IL18: variants seen among roughly 807,000 people sequenced by gnomAD.
The protein encoded by IL18 is interleukin 18.
IL18 carries 8 observed loss-of-function variants against 14.2 expected under a neutral mutation model. The observed-to-expected ratio is 0.56, with a 90% CI of 0.33 to 1.01. The LOEUF is 1.01. Ranked by LOEUF, IL18 falls within the 50% of genes least tolerant of loss-of-function variation. The probability of loss-of-function intolerance (pLI) is 0.03; values close to 1 mark genes in which losing one functional copy is unlikely to be tolerated. For missense variants in IL18, 166 were observed against 231.1 expected (o/e 0.72, Z 1.83); for synonymous variants, 67 against 71.0 (o/e 0.94, Z 0.28).
intron 5 of IL18, 60 bp from the exon 6 acceptor site, chr11:112,143,877 GTTTGT>G: frequency 8.8e-7 from 1 of 1,133,752 alleles, no homozygotes; most frequent in South Asian, 1.5e-5. Flanking sequence ...AATATATGAA[GTTTGT>G]TTTGAAGTAT....
intron 3 of IL18, 70 bp downstream of exon 3, chr11:112,153,521 CA>C: frequency 9.5e-7 from 1 of 1,052,704 alleles, no homozygotes; most frequent in Non-Finnish European, 1.3e-6. Context: ...CCTCAGCTGA[CA>C]ATGGTGAGAT....
chr11:112,150,282 T>G, intron 3 of IL18, 76 bp from the exon 4 acceptor site: 1 of 1,035,598 alleles, frequency 9.7e-7, no homozygotes, highest in Non-Finnish European at 1.4e-6. Flanking sequence ...CTATATATTT[T>G]AGTTTTCTAA....
intron 2 of IL18, 110 bp from the exon 3 acceptor site, chr11:112,153,713 AT>A: frequency 1.5e-6 from 1 of 688,408 alleles, no homozygotes; most frequent in Non-Finnish European, 2.5e-6. Flanking sequence ...TCGAACTCCT[AT>A]TTTTATGGTT....
chr11:112,163,438 CTCTCA>C (rs1298748359), intron 1 of IL18, among the ~76,000 whole-genome samples: 2 of 152,216 alleles, frequency 1.3e-5, no homozygotes, highest in African/African-American at 4.8e-5. Context: ...TTCACTCATT[CTCTCA>C]TGAGTGTACA....
At chr11:112,157,545 C>T (rs1174313654) in intron 1 of IL18, among the ~76,000 whole-genome samples, 1 of 152,028 alleles carries the variant, frequency 6.6e-6, no homozygotes, top group Non-Finnish European at 1.5e-5. Context: ...TAAAGAGTTA[C>T]AAAATAATGT....
rs868202798 is a variant in IL18, at chr11:112,146,037, T to C, written c.361-2220A>G. Among the ~76,000 whole-genome samples the C allele has an allele frequency of 7.3e-3, 1,076 of 147,932 alleles. 15 individuals carry two copies. Among genetic ancestry groups the C allele is most frequent in the African/African-American group, 0.024 (971 of 40,742 alleles). ...CAAGGGGAAAGGGATTTCTTTCTTT[T>C]TTTTTTTTTTTTTTTTACATCAGAA... On this transcript the variant is annotated intron_variant, in intron 5 of 5. Coordinates refer to ENST00000280357, the MANE Select transcript of IL18 (RefSeq NM_001562.4).
At chr11:112,147,567 T>A (rs1866364242) in intron 5 of IL18, among the ~76,000 whole-genome samples, 1 of 152,124 alleles carries the variant, frequency 6.6e-6, no homozygotes, top group Non-Finnish European at 1.5e-5. Context: ...GCCTGTCAGG[T>A]CTAGAATGGG....
intron 1 of IL18, among the ~76,000 whole-genome samples, chr11:112,162,341 CTTTT>C (rs140882241): frequency 1.5e-5 from 2 of 131,182 alleles, no homozygotes; most frequent in Non-Finnish European, 3.3e-5. Context: ...CTTTTCTTTT[CTTTT>C]TTTTTTTTTT....
chr11:112,159,376 T>C (rs1866590806), intron 1 of IL18, among the ~76,000 whole-genome samples: 2 of 151,070 alleles, frequency 1.3e-5, no homozygotes, highest in Non-Finnish European at 3.0e-5. Context: ...ATGGACCTGA[T>C]TGAACAAGAT....
intron 1 of IL18, among the ~76,000 whole-genome samples, chr11:112,160,312 C>T (rs201168750): frequency 7.2e-5 from 10 of 138,076 alleles, no homozygotes; most frequent in Middle Eastern, 3.6e-3. Flanking sequence ...CTTCCCCTGC[C>T]TTTTTTTTTT....
chr11:112,153,102 G>A (rs1866474577), intron 3 of IL18: 1 of 153,454 alleles, frequency 6.5e-6, no homozygotes, highest in Non-Finnish European at 1.4e-5. Context: ...TTCAGCTTTT[G>A]GCCTCTGAAT....
chr11:112,146,832 A>T (rs1030986362), intron 5 of IL18, among the ~76,000 whole-genome samples: 1 of 148,726 alleles, frequency 6.7e-6, no homozygotes, highest in Middle Eastern at 3.7e-3. Flanking sequence ...AGATTCCCTC[A>T]TTTGCACAGA....
intron 5 of IL18, among the ~76,000 whole-genome samples, chr11:112,145,744 A>AAAAG (rs1866328426): frequency 7.0e-6 from 1 of 142,512 alleles, no homozygotes; most frequent in Admixed American, 8.0e-5. Context: ...GTTTCAAAAA[A>AAAAG]AAAGAAAAAA....
chr11:112,152,160 A>G (rs950283088), intron 3 of IL18, among the ~76,000 whole-genome samples: 3 of 152,208 alleles, frequency 2.0e-5, no homozygotes, highest in Non-Finnish European at 4.4e-5. Context: ...CTCTTTGTAT[A>G]CACCAAAACC....
At chr11:112,146,845 T>C in intron 5 of IL18, among the ~76,000 whole-genome samples, 1 of 151,776 alleles carries the variant, frequency 6.6e-6, no homozygotes, top group Non-Finnish European at 1.5e-5. Flanking sequence ...TGCACAGATC[T>C]CTTCCAGCCA....
At chr11:112,150,283 A>C in intron 3 of IL18, 77 bp from the exon 4 acceptor site, 1 of 1,003,774 alleles carries the variant, frequency 1.0e-6, no homozygotes, top group Non-Finnish European at 1.5e-6. Flanking sequence ...TATATATTTT[A>C]GTTTTCTAAA....
intron 3 of IL18, among the ~76,000 whole-genome samples, chr11:112,152,693 A>G (rs1283537319): frequency 1.3e-5 from 2 of 152,156 alleles, no homozygotes; most frequent in Non-Finnish European, 1.5e-5. Flanking sequence ...CCCAGGAAGT[A>G]TGATGATTTT....
chr11:112,156,552 C>A (rs1866535565), intron 1 of IL18, among the ~76,000 whole-genome samples: 2 of 152,008 alleles, frequency 1.3e-5, no homozygotes, highest in Admixed American at 1.3e-4. Context: ...AGCGATTCTC[C>A]CATCTTAGCC....
intron 5 of IL18, 74 bp from the exon 6 acceptor site, chr11:112,143,891 A>G: frequency 1.0e-6 from 1 of 976,030 alleles, no homozygotes; most frequent in East Asian, 2.5e-5. Context: ...GTTTTGAAGT[A>G]TATTACCAAA....
Sources: gnomAD v4.1 joint callset for allele counts (sites outside exome capture counted in the v4.1 genomes callset) on GRCh38, gnomAD v4.1.1 for gene constraint, MANE v1.5 for transcripts, NCBI Gene and HGNC (gene_info 2026-07-23, HGNC 2026-07-21) for gene names.